EPHB1: variants seen among roughly 807,000 people sequenced by gnomAD.
EPHB1 encodes ephrin type-B receptor 1.
In EPHB1, 30 loss-of-function variants were observed where a neutral mutation model predicts 94.4. That is an observed-to-expected ratio of 0.32 (90% confidence interval 0.24 to 0.43). The LOEUF (loss-of-function observed/expected upper bound fraction) is 0.43. Ranked by LOEUF, EPHB1 falls within the 20% of genes least tolerant of loss-of-function variation. The probability of loss-of-function intolerance (pLI) is 1.00; values close to 1 mark genes in which losing one functional copy is unlikely to be tolerated. For missense variants in EPHB1, 1,055 were observed against 1,308.3 expected, an observed-to-expected ratio of 0.81 and a Z score of 2.99; for synonymous variants, 522 against 489.1, an observed-to-expected ratio of 1.07 and a Z score of -0.89.
chr3:135,031,855 A>T (rs1171821269), intron 3 of EPHB1, among the ~76,000 whole-genome samples: 2 of 151,966 alleles, frequency 1.3e-5, no homozygotes, highest in Non-Finnish European at 2.9e-5. Context: ...TATTTCGTTG[A>T]TTGGCTGGGT....
At chr3:135,257,765 T>C (rs1933469020) in intron 15 of EPHB1, among the ~76,000 whole-genome samples, 1 of 151,648 alleles carries the variant, frequency 6.6e-6, no homozygotes, top group African/African-American at 2.4e-5. Context: ...CCGGCTGCTT[T>C]GTTTACCTAA....
intron 6 of EPHB1, among the ~76,000 whole-genome samples, chr3:135,156,321 G>T (rs1941353740): frequency 6.6e-6 from 1 of 152,096 alleles, no homozygotes; most frequent in South Asian, 2.1e-4. Context: ...CCTGAGCCTG[G>T]GTGAGGTCTT....
At chr3:134,852,927 G>A (rs1253206619) in intron 1 of EPHB1, among the ~76,000 whole-genome samples, 3 of 152,146 alleles carry the variant, frequency 2.0e-5, no homozygotes, top group African/African-American at 7.2e-5. Context: ...GAGAATGTGG[G>A]TGAGTTGCTT....
At chr3:134,852,646 TC>T (rs2037014149) in intron 1 of EPHB1, 1 of 148,468 alleles carries the variant, frequency 6.7e-6, no homozygotes, top group East Asian at 2.0e-4. Flanking sequence ...GGTGTCCGTA[TC>T]TGTGCAGTAA....
At position 134,850,207 on chromosome 3, in the gene EPHB1, T is replaced by A. The variant is rs560679533; in HGVS notation, c.58+54518T>A. ...ACATTCCTTTCTTAAAAGGCCTCTTTCTTTTCCTTGATCATAAAATTGCCA... is the reference window on the plus strand; with the variant it reads ...ACATTCCTTTCTTAAAAGGCCTCTTACTTTTCCTTGATCATAAAATTGCCA... On this transcript the variant is annotated intron_variant, in intron 1 of 15. Transcript: ENST00000398015. Among the ~76,000 whole-genome samples, 3 of 152,348 alleles carry A rather than the reference T, an allele frequency of 2.0e-5. 1 individual carries two copies. Among genetic ancestry groups the A allele is most frequent in the African/African-American group, 7.2e-5 (3 of 41,576 alleles).
chr3:134,815,014 A>T (rs375224725), intron 1 of EPHB1, among the ~76,000 whole-genome samples: 4 of 152,202 alleles, frequency 2.6e-5, no homozygotes, highest in South Asian at 4.1e-4. Flanking sequence ...AGCCTCTTTA[A>T]ATAAATTAAC....
chr3:135,148,901 GTTGGCTATAACTC>G (rs1378198331), intron 5 of EPHB1, among the ~76,000 whole-genome samples: 1 of 152,150 alleles, frequency 6.6e-6, no homozygotes, highest in Admixed American at 6.5e-5. Context: ...GCCTTTTATT[GTTGGCTATAACTC>G]TCTTCTTCGA....
chr3:135,210,353 G>A (rs1312472149), intron 12 of EPHB1, among the ~76,000 whole-genome samples: 1 of 151,950 alleles, frequency 6.6e-6, no homozygotes, highest in Non-Finnish European at 1.5e-5. Context: ...GCTGAATAGG[G>A]AGCTGAATAT....
intron 3 of EPHB1, among the ~76,000 whole-genome samples, chr3:135,004,151 C>T (rs1223945941): frequency 2.0e-5 from 3 of 151,686 alleles, no homozygotes; most frequent in Non-Finnish European, 2.9e-5. Context: ...TAGGGCAGGC[C>T]TGGTGGTGAC....
At chr3:134,890,487 G>GTACC (rs2037957734) in intron 1 of EPHB1, among the ~76,000 whole-genome samples, 1 of 152,156 alleles carries the variant, frequency 6.6e-6, no homozygotes, top group Non-Finnish European at 1.5e-5. Flanking sequence ...ACTCTTGCAT[G>GTACC]TACCTCCTTT....
At chr3:134,863,900 G>A (rs2037317433) in intron 1 of EPHB1, among the ~76,000 whole-genome samples, 1 of 152,144 alleles carries the variant, frequency 6.6e-6, no homozygotes, top group Non-Finnish European at 1.5e-5. Flanking sequence ...AATAAAAGTG[G>A]GAAACTTGGC....
chr3:135,031,443 G>C (rs948290828), intron 3 of EPHB1, among the ~76,000 whole-genome samples: 13 of 152,150 alleles, frequency 8.5e-5, no homozygotes, highest in African/African-American at 2.9e-4. Context: ...CAGCGTAGCT[G>C]TGACTGGAGG....
intron 3 of EPHB1, among the ~76,000 whole-genome samples, chr3:134,975,210 T>C (rs947882337): frequency 3.3e-5 from 5 of 152,106 alleles, no homozygotes; most frequent in Non-Finnish European, 7.4e-5. Flanking sequence ...GTTGGAAACT[T>C]TTATGGGGAC....
At chr3:135,252,583 T>C (rs1933172918) in intron 15 of EPHB1, among the ~76,000 whole-genome samples, 1 of 149,522 alleles carries the variant, frequency 6.7e-6, no homozygotes, top group Admixed American at 6.7e-5. Context: ...CCACGGTGTA[T>C]GTGTGCCACA....
chr3:134,859,268 C>G (rs983283234), intron 1 of EPHB1, among the ~76,000 whole-genome samples: 3 of 152,162 alleles, frequency 2.0e-5, no homozygotes, highest in Non-Finnish European at 4.4e-5. Flanking sequence ...TTGATGGTGA[C>G]CGACCGGCAG....
intron 10 of EPHB1, among the ~76,000 whole-genome samples, chr3:135,187,127 G>A (rs1200264283): frequency 6.6e-6 from 1 of 152,168 alleles, no homozygotes; most frequent in Non-Finnish European, 1.5e-5. Flanking sequence ...CTGGATCTGG[G>A]TCCTAACCAA....
chr3:134,821,075 G>A (rs1329649241), intron 1 of EPHB1, among the ~76,000 whole-genome samples: 1 of 152,114 alleles, frequency 6.6e-6, no homozygotes, highest in Admixed American at 6.5e-5. Context: ...ATGAAGGCAG[G>A]CTAAAGACCC....
intron 2 of EPHB1, among the ~76,000 whole-genome samples, chr3:134,929,063 A>G (rs1235123255): frequency 2.0e-5 from 3 of 152,204 alleles, no homozygotes; most frequent in Non-Finnish European, 2.9e-5. Flanking sequence ...GGTGGGCAGT[A>G]GAGACAGCAG....
intron 2 of EPHB1, among the ~76,000 whole-genome samples, chr3:134,949,694 C>A (rs146729549): frequency 6.6e-5 from 10 of 152,294 alleles, no homozygotes; most frequent in African/African-American, 2.4e-4. Context: ...GATCTTAATT[C>A]ATTTTCACTT....
Sources: allele counts gnomAD v4.1 joint callset (sites outside exome capture counted in the v4.1 genomes callset), GRCh38; gene constraint gnomAD v4.1.1; transcripts MANE v1.5; gene names NCBI Gene and HGNC (gene_info 2026-07-23, HGNC 2026-07-21).